The following DNAI3 variants were observed in gnomAD, a reference collection of about 807,000 sequenced individuals.
The protein encoded by DNAI3 is dynein axonemal intermediate chain 3, also known as WD repeat domain 63.
Under a neutral mutation model 115.5 loss-of-function variants are expected in DNAI3, and 83 were observed. The ratio of observed to expected loss-of-function variants is 0.72; its 90% CI spans 0.60 to 0.86. DNAI3 has a LOEUF of 0.86. Among genes scored for constraint, DNAI3 ranks in the 40% least tolerant of loss-of-function variants. The probability of loss-of-function intolerance (pLI) is 0.00; values close to 1 mark genes in which losing one functional copy is unlikely to be tolerated. For synonymous variants in DNAI3, 320 were observed against 347.0 expected (o/e 0.92, Z 0.86); for missense variants, 1,004 against 1,075.8 (o/e 0.93, Z 0.93).
At chr1:85,066,526 C>T (rs1240857832) in intron 1 of DNAI3, among the ~76,000 whole-genome samples, 1 of 151,866 alleles carries the variant, frequency 6.6e-6, no homozygotes, top group African/African-American at 2.4e-5. Context: ...ACGGGGGTTT[C>T]ACTGTGTTAG....
intron 1 of DNAI3, among the ~76,000 whole-genome samples, chr1:85,063,276 G>C (rs1039861592): frequency 6.8e-6 from 1 of 147,112 alleles, no homozygotes; most frequent in African/African-American, 2.5e-5. Flanking sequence ...TGCCTTGAAT[G>C]ATGAGAAAGA....
In DNAI3 at chr1:85,073,057, G is replaced by GT; in HGVS notation, c.69dup (p.Glu24Ter). ...ACTTCCTTTTATTATATTCTAGCTAGTGAAGACATGGAACCAGTAAATATG... is the reference window on the plus strand; with the variant it reads ...ACTTCCTTTTATTATATTCTAGCTAGTTGAAGACATGGAACCAGTAAATATG... On this transcript the variant is annotated frameshift_variant, in exon 3 of 23. Coordinates refer to ENST00000294664, the MANE Select transcript of DNAI3 (RefSeq NM_145172.5). LOFTEE classifies it high-confidence loss of function. 6.5e-7 allele frequency: 1 copy of GT among 1,542,402 alleles called. No homozygotes were observed. The highest frequency in any genetic ancestry group is 8.8e-7 in the Non-Finnish European group (1 of 1,141,204).
In DNAI3 at chr1:85,121,829, T is replaced by G; in HGVS notation, c.1981+15T>G. ...CCGACTTATGTGTAAGTTTTGTGATTGCCCTGTTATTAATAAGATGTTCCT... is the reference window on the plus strand; with the variant it reads ...CCGACTTATGTGTAAGTTTTGTGATGGCCCTGTTATTAATAAGATGTTCCT... On this transcript the variant is annotated intron_variant, in intron 18 of 22. Transcript: ENST00000294664. 6.2e-7 allele frequency: 1 copy of G among 1,613,488 alleles called. No homozygotes were observed. The highest frequency in any genetic ancestry group is 8.5e-7 in the Non-Finnish European group (1 of 1,179,380).
rs1656003791 is a variant in DNAI3 at position 85,121,883 on chromosome 1, A to G, written c.1981+69A>G. ...AATTTAAACTACCCAAAGGAATCTC[A>G]TGCAGTACAGAGTCACCCTGGTCTT... On this transcript the variant is annotated intron_variant, in intron 18 of 22. Coordinates refer to ENST00000294664, the MANE Select transcript of DNAI3 (RefSeq NM_145172.5). 3 of 1,540,240 alleles carry G rather than the reference A, an allele frequency of 1.9e-6. No homozygotes were observed. The African/African-American group carries it at 4.1e-5, about 21-fold the overall frequency.
intron 10 of DNAI3, 43 bp downstream of exon 10, chr1:85,094,598 C>T (rs1311630828): frequency 1.2e-6 from 2 of 1,605,028 alleles, no homozygotes; most frequent in African/African-American, 2.7e-5. Context: ...TTTTCAAATA[C>T]TACTTTCATG....
intron 9 of DNAI3, chr1:85,094,056 A>G: frequency 2.5e-6 from 1 of 402,456 alleles, no homozygotes; most frequent in South Asian, 2.1e-5. Flanking sequence ...CAAGGGAGGT[A>G]GGTAGGGATG....
At chr1:85,127,680 A>G (rs950871616) in intron 20 of DNAI3, among the ~76,000 whole-genome samples, 1 of 152,212 alleles carries the variant, frequency 6.6e-6, no homozygotes, top group East Asian at 1.9e-4. Flanking sequence ...CTGCTTAGCC[A>G]TATGTGCCAC....
chr1:85,078,116 T>C (rs1263112956), intron 3 of DNAI3, among the ~76,000 whole-genome samples: 1 of 152,058 alleles, frequency 6.6e-6, no homozygotes, highest in Non-Finnish European at 1.5e-5. Flanking sequence ...CTTGTCTATG[T>C]GTAGAGAAGC....
At chr1:85,110,316 T>C (rs568653965) in intron 16 of DNAI3, among the ~76,000 whole-genome samples, 181 bp downstream of exon 16, 49 of 151,716 alleles carry the variant, frequency 3.2e-4, no homozygotes, top group Non-Finnish European at 6.5e-4. Context: ...CCGGGCTTAG[T>C]GGCGGGCGCC....
At chr1:85,128,632 C>G (rs1244991923) in intron 20 of DNAI3, 76 bp from the exon 21 acceptor site, 12 of 1,268,410 alleles carry the variant, frequency 9.5e-6, no homozygotes, top group African/African-American at 3.0e-5. Flanking sequence ...AAAACAAAAA[C>G]ATACTTCATG....
intron 1 of DNAI3, among the ~76,000 whole-genome samples, chr1:85,067,945 T>C (rs1437939250): frequency 6.6e-6 from 1 of 152,182 alleles, no homozygotes; most frequent in South Asian, 2.1e-4. Context: ...TGTAAGATAA[T>C]AGATTTGTGT....
At position 85,132,851 on chromosome 1, in the gene DNAI3, C is replaced by A. The variant is rs766375665; in HGVS notation, c.2533-4C>A. On this transcript the variant is annotated splice_polypyrimidine_tract_variant and splice_region_variant and intron_variant, in intron 22 of 22. Coordinates refer to ENST00000294664, the MANE Select transcript of DNAI3 (RefSeq NM_145172.5). ...GGGATGTCTTGTTTTTCTTCCCCCC[C>A]CAGAAAACATATCAGAAGTCAAAAG... 2.5e-6 allele frequency: 4 copies of A among 1,611,860 alleles called. 1 individual carries two copies. The South Asian group carries it at 3.3e-5, about 13-fold the overall frequency.
intron 16 of DNAI3, among the ~76,000 whole-genome samples, chr1:85,117,014 T>G (rs1190300392): frequency 6.6e-6 from 1 of 152,220 alleles, no homozygotes; most frequent in East Asian, 1.9e-4. Context: ...GTCTGTTTGT[T>G]GGTTGGTTTT....
At chr1:85,105,258 G>A (rs1655449576) in intron 14 of DNAI3, among the ~76,000 whole-genome samples, 2 of 152,144 alleles carry the variant, frequency 1.3e-5, no homozygotes, top group South Asian at 4.1e-4. Flanking sequence ...CCAGGGATGA[G>A]GGAGACATGA....
intron 1 of DNAI3, among the ~76,000 whole-genome samples, chr1:85,068,938 G>A (rs527636661): frequency 2.0e-5 from 3 of 152,340 alleles, no homozygotes; most frequent in African/African-American, 7.2e-5. Flanking sequence ...TGCTGTGAAA[G>A]TGGTATGTGT....
At chr1:85,112,441 CTG>C (rs1655687152) in intron 16 of DNAI3, among the ~76,000 whole-genome samples, 1 of 152,146 alleles carries the variant, frequency 6.6e-6, no homozygotes. Context: ...TCATATTTTC[CTG>C]GGTACATCCC....
Position 85,126,670 on chromosome 1 carries a change from A to C in DNAI3, c.2272A>C (p.Ile758Leu), listed in dbSNP as rs149344322. 1.1e-3 allele frequency: 1,723 copies of C among 1,614,148 alleles called. 2 individuals are homozygous for C. The highest frequency in any genetic ancestry group is 2.0e-3 in the Middle Eastern group (12 of 6,062). ...CCATGAACCAGCCCAGTCTCAAAAC[A>C]TTTGCATAACTATGATCACCTACAT... Reference protein sequence around the residue: ...KTHEPAQSQNICITMITYIKP... With the variant: ...KTHEPAQSQNLCITMITYIKP... Residue 758 changes from isoleucine to leucine, a missense_variant, in exon 20 of 23, where the codon ATT (isoleucine) becomes CTT (leucine). Around this residue, in one of 3 missense-constraint regions of DNAI3, gnomAD observed 429 missense variants for 454.3 expected, o/e 0.94. Coordinates refer to ENST00000294664, the MANE Select transcript of DNAI3 (RefSeq NM_145172.5).
In DNAI3 at chr1:85,110,244, G is replaced by C. The variant is rs1043699205; in HGVS notation, c.1786+109G>C. The C allele has an allele frequency of 1.0e-5, 9 of 880,632 alleles. No homozygotes were observed. In the African/African-American group the frequency reaches 1.4e-4, roughly 14 times the overall value. The allele number at this position is 880,632 out of a possible 1,614,324, so 54.6% of individuals were successfully genotyped here. On this transcript the variant is annotated intron_variant, in intron 16 of 22. Coordinates refer to ENST00000294664, the MANE Select transcript of DNAI3 (RefSeq NM_145172.5). ...AGGCGGGCGGATCACGAGGTCAGCAGATCGAGATCATCCTGGCTAACACGG... is the reference window on the plus strand; with the variant it reads ...AGGCGGGCGGATCACGAGGTCAGCACATCGAGATCATCCTGGCTAACACGG...
intron 13 of DNAI3, among the ~76,000 whole-genome samples, chr1:85,101,288 A>T (rs1655301097): frequency 1.3e-5 from 2 of 152,188 alleles, no homozygotes; most frequent in African/African-American, 4.8e-5. Context: ...ACCAAAATAA[A>T]TAGCCCACGT....
Sources: allele counts gnomAD v4.1 joint callset (sites outside exome capture counted in the v4.1 genomes callset), GRCh38; gene constraint gnomAD v4.1.1; regional missense constraint gnomAD v4.1.1; transcripts MANE v1.5; gene names NCBI Gene and HGNC (gene_info 2026-07-23, HGNC 2026-07-21).